SHOX: variants seen among roughly 807,000 people sequenced by gnomAD.
SHOX encodes the protein SHOX homeobox.
A neutral mutation model predicts 29.6 loss-of-function variants in SHOX; 12 were observed. The ratio of observed to expected loss-of-function variants is 0.41; its 90% CI spans 0.26 to 0.66. The LOEUF (loss-of-function observed/expected upper bound fraction) is 0.66. Ranked by LOEUF, SHOX falls within the 30% of genes least tolerant of loss-of-function variation. The probability of loss-of-function intolerance (pLI) is 0.35; values close to 1 mark genes in which losing one functional copy is unlikely to be tolerated. For synonymous variants in SHOX, 214 were observed against 200.6 expected, an observed-to-expected ratio of 1.07 and a Z score of -0.57; for missense variants, 499 against 437.7, an observed-to-expected ratio of 1.14 and a Z score of -1.25.
intron 2 of SHOX, among the ~76,000 whole-genome samples, chrX:638,784 G>C (rs947121205): frequency 6.6e-6 from 1 of 152,254 alleles, no homozygotes; most frequent in African/African-American, 2.4e-5. Flanking sequence ...AAGGGTGGCT[G>C]TGGGCCGAGG....
At chrX:653,244 A>C (rs1194975227), downstream of SHOX, among the ~76,000 whole-genome samples, 1 of 152,176 alleles carries the variant, frequency 6.6e-6, no homozygotes, top group Non-Finnish European at 1.5e-5. Flanking sequence ...CTGTCTCAAA[A>C]AAATGAATAA....
chrX:644,798 A>G lies in SHOX; in HGVS notation c.*162A>G, dbSNP rs2052934933. 2 of 981,750 alleles carry G rather than the reference A, an allele frequency of 2.0e-6. No homozygotes were observed. The highest frequency in any genetic ancestry group is 8.5e-5 in the Admixed American group (2 of 23,564). The allele number at this position is 981,750 out of a possible 1,614,324, so 60.8% of individuals were successfully genotyped here. A position where few individuals can be genotyped will look rare whatever the true frequency, so the allele number is the denominator to read the frequency against. ...AGGCCTGAGGAGGGAGGCTCCCGGG[A>G]CCGTCCACGCACGACCCAGCCAGAC... On this transcript the variant is annotated 3_prime_UTR_variant, in exon 5 of 5. Transcript: ENST00000686671.
chrX:630,091 C>T (rs957085008), upstream of SHOX, among the ~76,000 whole-genome samples: 29 of 152,094 alleles, frequency 1.9e-4, no homozygotes, highest in Non-Finnish European at 2.5e-4. Context: ...TTTCTGCGGG[C>T]GCTGGAGACC....
upstream of SHOX, among the ~76,000 whole-genome samples, chrX:630,138 C>T (rs1446941912): frequency 1.3e-5 from 2 of 152,142 alleles, no homozygotes; most frequent in African/African-American, 2.4e-5. Context: ...CCTCCGCCGC[C>T]GCCGCCTCCC....
At chrX:642,312 T>C (rs2052870867) in intron 4 of SHOX, among the ~76,000 whole-genome samples, 1 of 150,752 alleles carries the variant, frequency 6.6e-6, no homozygotes, top group African/African-American at 2.5e-5. Flanking sequence ...GGGGGGGGGC[T>C]CTGGCAGGGC....
At position 631,134 on chromosome X, in the gene SHOX, G is replaced by A. The variant is rs1486729880; in HGVS notation, c.237G>A (p.Lys79=). 6.2e-7 allele frequency: 1 copy of A among 1,613,520 alleles called. No individual in the cohort carries two copies. The highest frequency in any genetic ancestry group is 1.7e-5 in the Admixed American group (1 of 60,024). The part of the protein sequence containing the change: ...HLFKDHVDND[K]EKLKEFGTAR... ...TCAAGGACCACGTAGACAATGACAA[G>A]GAGAAACTGAAAGAATTCGGCACCG... Residue 79 remains lysine, a synonymous_variant, in exon 1 of 5, where the codon AAG becomes AAA. Transcript: ENST00000686671.
chrX:624,925 T>C (rs1278421157), intron 1 of SHOX, among the ~76,000 whole-genome samples: 2 of 68,300 alleles, frequency 2.9e-5, no homozygotes, highest in Non-Finnish European at 6.0e-5. Context: ...TTTCTTTCTT[T>C]CTTTCTTTTC....
Position 641,036 on chromosome X carries a change from C to T in SHOX, c.582C>T (p.Cys194=), listed in dbSNP as rs1170991098. The T allele has an allele frequency of 1.9e-6, 3 of 1,613,854 alleles. No homozygotes were observed. In the South Asian group the frequency reaches 3.3e-5, roughly 18 times the overall value. ...ILGTANHLDA[C]RVAPYVNMGA... ...GCACAGCCAACCACCTAGACGCCTG[C>T]CGAGTGGCACCCTACGTCAACATGG... The change falls in exon 4 of 5, where the codon TGC becomes TGT. Residue 194 remains cysteine (C), a synonymous_variant. Coordinates refer to ENST00000686671, the MANE Select transcript of SHOX (RefSeq NM_000451.4).
chrX:633,481 G>A (rs1243950672), intron 1 of SHOX, among the ~76,000 whole-genome samples: 1 of 151,902 alleles, frequency 6.6e-6, no homozygotes, highest in East Asian at 1.9e-4. Context: ...TGTAGCTCGG[G>A]GTGGGGTGGG....
intron 5 of SHOX, among the ~76,000 whole-genome samples, chrX:656,623 C>T (rs1176742379): frequency 1.3e-5 from 2 of 152,080 alleles, no homozygotes; most frequent in East Asian, 3.9e-4. Flanking sequence ...GGGCGGATCA[C>T]GAGGTCATGA....
At chrX:639,394 A>G (rs2052810499) in intron 2 of SHOX, among the ~76,000 whole-genome samples, 1 of 142,954 alleles carries the variant, frequency 7.0e-6, no homozygotes, top group Admixed American at 6.8e-5. Flanking sequence ...CGAGAAGGGC[A>G]AAGACACTTC....
At chrX:635,818 C>T (rs752316344) in intron 2 of SHOX, among the ~76,000 whole-genome samples, 35 of 151,526 alleles carry the variant, frequency 2.3e-4, no homozygotes, top group Non-Finnish European at 4.0e-4. Flanking sequence ...CTCCTCTAGT[C>T]CTTTCTCCTG....
chrX:626,676 T>C (rs1181903064), upstream of SHOX, among the ~76,000 whole-genome samples: 2 of 144,172 alleles, frequency 1.4e-5, no homozygotes, highest in Non-Finnish European at 3.0e-5. Flanking sequence ...TCTCTGTATC[T>C]CTGTCTATCT....
chrX:635,761 G>T (rs1181795848), intron 2 of SHOX, among the ~76,000 whole-genome samples: 3 of 152,026 alleles, frequency 2.0e-5, no homozygotes, highest in Non-Finnish European at 4.4e-5. Context: ...CCTCCAAATG[G>T]CTTCTTCCAG....
chrX:634,740 C>A lies in SHOX; in HGVS notation c.400C>A (p.Arg134=), dbSNP rs193922467. ...FTLEQLNELE[R]LFDETHYPDA... ...GCTGGAGCAGCTGAACGAGCTCGAG[C>A]GACTCTTCGACGAGACCCATTACCC... is the stretch of plus-strand genomic sequence containing the variant. Residue 134 remains arginine (R), a synonymous_variant, in exon 2 of 5, where the codon CGA becomes AGA. Coordinates refer to ENST00000686671, the MANE Select transcript of SHOX (RefSeq NM_000451.4). The A allele has an allele frequency of 8.8e-4, 1,411 of 1,612,440 alleles. 22 individuals are homozygous for A. In the South Asian group the frequency reaches 0.015, roughly 17 times the overall value.
At chrX:635,053 A>G (rs1044522806) in intron 2 of SHOX, among the ~76,000 whole-genome samples, 3 of 152,028 alleles carry the variant, frequency 2.0e-5, no homozygotes, top group Non-Finnish European at 4.4e-5. Context: ...AAATATATAT[A>G]CATATATATT....
At chrX:624,885 T>TC (rs1176948757) in intron 1 of SHOX, among the ~76,000 whole-genome samples, 14 of 66,924 alleles carry the variant, frequency 2.1e-4, no homozygotes, top group African/African-American at 1.0e-3. Context: ...TTTCTTTCTT[T>TC]CTTTCTTTCT....
downstream of SHOX, among the ~76,000 whole-genome samples, chrX:651,794 C>G (rs1221694714): frequency 1.3e-5 from 2 of 152,032 alleles, no homozygotes; most frequent in Non-Finnish European, 2.9e-5. Flanking sequence ...CATCCCCTTC[C>G]TTTACTGAAA....
chrX:629,642 G>C (rs1322261966), upstream of SHOX, among the ~76,000 whole-genome samples: 2 of 151,994 alleles, frequency 1.3e-5, no homozygotes, highest in Non-Finnish European at 2.9e-5. Context: ...CCCCACTGCT[G>C]TGCCATCTCA....
Sources: gnomAD v4.1 joint callset for allele counts (sites outside exome capture counted in the v4.1 genomes callset) on GRCh38, gnomAD v4.1.1 for gene constraint, MANE v1.5 for transcripts, NCBI Gene and HGNC (gene_info 2026-07-23, HGNC 2026-07-21) for gene names.